ARID5B: variants seen among roughly 807,000 people sequenced by gnomAD.
ARID5B encodes AT-rich interactive domain-containing protein 5B.
In ARID5B, 13 loss-of-function variants were observed where a neutral mutation model predicts 97.2. The ratio of observed to expected loss-of-function variants is 0.13; its 90% confidence interval spans 0.09 to 0.21. ARID5B has a LOEUF of 0.21. ARID5B is among the 10% of genes least tolerant of loss of function. The pLI is 1.00. For synonymous variants in ARID5B, 556 were observed against 570.3 expected (o/e 0.97, Z 0.36); for missense variants, 1,210 against 1,465.3 (o/e 0.83, Z 2.84).
chr10:62,090,343 T>G (rs753468614), intron 9 of ARID5B, among the ~76,000 whole-genome samples: 15 of 152,226 alleles, frequency 9.9e-5, no homozygotes, highest in Non-Finnish European at 2.1e-4. Context: ...TAATCTTCAG[T>G]GCATCATATT....
In ARID5B at chr10:62,029,459, A is replaced by C. The variant is rs146089482; in HGVS notation, c.734-21429A>C. Among the ~76,000 whole-genome samples, 15 of 152,338 alleles carry C rather than the reference A, an allele frequency of 9.8e-5. No individual in the cohort carries two copies. The East Asian group carries it at 2.9e-3, about 29-fold the overall frequency. ...TTTGATTGGAATTAACCAAAATGAG[A>C]ATATATAGCTAAGAAAGAGTAGGAA... On this transcript the variant is annotated intron_variant, in intron 4 of 9. Coordinates refer to ENST00000279873, the MANE Select transcript of ARID5B (RefSeq NM_032199.3).
intron 4 of ARID5B, among the ~76,000 whole-genome samples, chr10:62,031,126 C>T (rs1344101000): frequency 2.6e-5 from 4 of 152,128 alleles, no homozygotes; most frequent in East Asian, 1.9e-4. Flanking sequence ...CCGAGTTACT[C>T]GGGAGGCTGT....
intron 9 of ARID5B, among the ~76,000 whole-genome samples, chr10:62,089,473 G>T (rs940695974): frequency 3.5e-5 from 5 of 144,900 alleles, no homozygotes; most frequent in South Asian, 2.2e-4. Context: ...CTGCCTGCCT[G>T]CCTTCCTTCC....
intron 4 of ARID5B, among the ~76,000 whole-genome samples, chr10:62,016,994 A>G (rs1458904631): frequency 6.6e-6 from 1 of 152,192 alleles, no homozygotes; most frequent in Non-Finnish European, 1.5e-5. Context: ...TGCTAATTAT[A>G]TACTAGCCTC....
At chr10:62,076,530 C>CCGG (rs1185887280) in intron 8 of ARID5B, among the ~76,000 whole-genome samples, 1 of 142,452 alleles carries the variant, frequency 7.0e-6, no homozygotes, top group Non-Finnish European at 1.5e-5. Flanking sequence ...CCACCGCACT[C>CCGG]CGGTCTGGGC....
intron 8 of ARID5B, among the ~76,000 whole-genome samples, chr10:62,078,616 C>T (rs1840169054): frequency 6.6e-6 from 1 of 152,158 alleles, no homozygotes; most frequent in South Asian, 2.1e-4. Flanking sequence ...GGGCTAGGCA[C>T]CATGCATGGT....
chr10:61,902,687 G>T (rs866053212), intron 2 of ARID5B, among the ~76,000 whole-genome samples: 2 of 150,192 alleles, frequency 1.3e-5, no homozygotes. Context: ...GTGTGTGTGT[G>T]TGTGTGTGTG....
chr10:61,916,726 G>A (rs916992585), intron 2 of ARID5B, among the ~76,000 whole-genome samples: 9 of 152,146 alleles, frequency 5.9e-5, no homozygotes, highest in South Asian at 2.1e-4. Flanking sequence ...TAGAGGAAAC[G>A]GGAAGTATAA....
rs891800049 is a variant in ARID5B, at chr10:61,936,574, G to A, written c.277-3609G>A. Among the ~76,000 whole-genome samples the A allele has an allele frequency of 7.2e-5, 11 of 152,310 alleles. 1 individual carries two copies. The highest frequency in any genetic ancestry group is 2.6e-4 in the Admixed American group (4 of 15,306). The stretch of plus-strand genomic sequence containing the variant: ...CAGAGGTTGCAGGAGCTGAGATCGT[G>A]CCACTGCACTTCAGCCTGGGCTACA... On this transcript the variant is annotated intron_variant, in intron 2 of 9. Transcript: ENST00000279873.
intron 8 of ARID5B, among the ~76,000 whole-genome samples, chr10:62,082,209 C>T (rs927226846): frequency 2.0e-5 from 3 of 152,150 alleles, no homozygotes; most frequent in African/African-American, 7.2e-5. Context: ...TTTTTTAATA[C>T]ATAATGGCTT....
At chr10:61,991,448 A>G (rs1365257987) in intron 3 of ARID5B, among the ~76,000 whole-genome samples, 1 of 152,186 alleles carries the variant, frequency 6.6e-6, no homozygotes, top group Non-Finnish European at 1.5e-5. Flanking sequence ...CCTAATGAAG[A>G]GCATTTTTTA....
chr10:61,979,180 T>C (rs1301030425), intron 3 of ARID5B, among the ~76,000 whole-genome samples: 6 of 152,198 alleles, frequency 3.9e-5, no homozygotes, highest in African/African-American at 1.4e-4. Flanking sequence ...TGGACAGTGA[T>C]GCATTTTTGC....
chr10:61,990,688 T>C (rs1185889332), intron 3 of ARID5B, among the ~76,000 whole-genome samples: 1 of 151,614 alleles, frequency 6.6e-6, no homozygotes, highest in African/African-American at 2.4e-5. Context: ...CAACCAAGCA[T>C]GCATCTACAC....
intron 4 of ARID5B, among the ~76,000 whole-genome samples, chr10:62,037,463 A>G (rs963693849): frequency 6.6e-6 from 1 of 152,226 alleles, no homozygotes; most frequent in South Asian, 2.1e-4. Flanking sequence ...CGAAATCGGC[A>G]TAAGATGCCT....
chr10:62,044,372 G>A, intron 4 of ARID5B, among the ~76,000 whole-genome samples: 1 of 98,512 alleles, frequency 1.0e-5, no homozygotes. Flanking sequence ...GGGTTCATTT[G>A]CTCTTTTTTT....
At chr10:62,068,865 ATAAAAT>A (rs1840026888) in intron 7 of ARID5B, among the ~76,000 whole-genome samples, 1 of 152,336 alleles carries the variant, frequency 6.6e-6, no homozygotes, top group African/African-American at 2.4e-5. Flanking sequence ...TTGTACAAAA[ATAAAAT>A]TAAAGGAAAA....
In ARID5B at chr10:62,055,601, C is replaced by T. The variant is rs143581967; in HGVS notation, c.847-1516C>T. ...AAAATGATGACAACATAAAGTTTCA[C>T]GGGATGTTCGCCTTCATATAATGTT... On this transcript the variant is annotated intron_variant, in intron 5 of 9. Coordinates refer to ENST00000279873, the MANE Select transcript of ARID5B (RefSeq NM_032199.3). 1.4e-3 allele frequency among the ~76,000 whole-genome samples: 212 copies of T among 152,262 alleles called. 1 individual carries two copies. The highest frequency in any genetic ancestry group is 4.7e-3 in the African/African-American group (195 of 41,554).
chr10:62,000,705 A>G lies in ARID5B; in HGVS notation c.733+384A>G, dbSNP rs774438449. On this transcript the variant is annotated intron_variant, in intron 4 of 9. Transcript: ENST00000279873. This position sits in a 1 kb window ranked among gnomAD's most constrained non-coding sequence, Gnocchi z 4.4. Reference sequence around the variant, plus strand: ...TATAAGGTATTGTAAAAATGCACCAATGGTAACCACTTCAGTAGTAAACAG... The same window carrying G: ...TATAAGGTATTGTAAAAATGCACCAGTGGTAACCACTTCAGTAGTAAACAG... Among the ~76,000 whole-genome samples the G allele has an allele frequency of 6.6e-6, 1 of 152,174 alleles. No individual in the cohort carries two copies. The highest frequency in any genetic ancestry group is 1.5e-5 in the Non-Finnish European group (1 of 68,030).
At chr10:61,905,538 G>A (rs972480688) in intron 2 of ARID5B, among the ~76,000 whole-genome samples, 1 of 151,970 alleles carries the variant, frequency 6.6e-6, no homozygotes, top group African/African-American at 2.4e-5. Flanking sequence ...TTTACAGATG[G>A]GGACATAGAC....
Sources: allele counts gnomAD v4.1 joint callset (sites outside exome capture counted in the v4.1 genomes callset), GRCh38; gene constraint gnomAD v4.1.1; non-coding constraint Gnocchi (gnomAD v3.1); transcripts MANE v1.5; gene names NCBI Gene and HGNC (gene_info 2026-07-23, HGNC 2026-07-21).